Variants in GCN1 observed in about 807,000 individuals in gnomAD.
GCN1 encodes the protein stalled ribosome sensor GCN1.
GCN1 carries 90 observed loss-of-function variants against 288.4 expected under a neutral mutation model. That is an observed-to-expected ratio of 0.31 (90% CI 0.26 to 0.37). The LOEUF (loss-of-function observed/expected upper bound fraction) is 0.37. Ranked by LOEUF, GCN1 falls within the 10% of genes least tolerant of loss-of-function variation. The pLI is 1.00. For missense variants in GCN1, 2,586 were observed against 3,419.9 expected (o/e 0.76, Z 6.08); for synonymous variants, 1,386 against 1,420.2 (o/e 0.98, Z 0.54).
chr12:120,182,379 C>T (rs764882782), intron 5 of GCN1, among the ~76,000 whole-genome samples: 48 of 152,262 alleles, frequency 3.2e-4, no homozygotes, highest in Admixed American at 5.2e-4. Flanking sequence ...CCCAGAGGTG[C>T]GCTGGATAAG....
Position 120,142,465 on chromosome 12 carries a change from G to T in GCN1, c.5829+42C>A. On this transcript the variant is annotated intron_variant, in intron 44 of 57. Transcript: ENST00000300648. The surrounding 1 kb of genome is among the most constrained non-coding windows in gnomAD (Gnocchi z 4.9). The stretch of plus-strand genomic sequence containing the variant: ...CCAGCCTTCTAGGCTCTGAAAGGAG[G>T]CACTGGGGCTGCTGGTCCAAAACAA... 7.0e-7 allele frequency: 1 copy of T among 1,437,538 alleles called. No homozygotes were observed. Among genetic ancestry groups the T allele is most frequent in the South Asian group, 1.1e-5 (1 of 87,270 alleles). 89.0% of individuals were successfully genotyped at this position (1,437,538 alleles called of 1,614,324 possible). A position where few individuals can be genotyped will look rare whatever the true frequency, so the allele number is the denominator to read the frequency against.
chr12:120,176,294 A>G, intron 9 of GCN1, 77 bp from the exon 10 acceptor site: 1 of 894,926 alleles, frequency 1.1e-6, no homozygotes, highest in Non-Finnish European at 1.9e-6. Context: ...CCTACTCCCC[A>G]GCAAATGCCA....
Position 120,127,336 on chromosome 12 carries a change from CCA to C in GCN1, c.*511_*512del, listed in dbSNP as rs1465123737. 1 of 152,954 alleles carries C rather than the reference CCA, an allele frequency of 6.5e-6. No individual in the cohort carries two copies. Among genetic ancestry groups the C allele is most frequent in the Admixed American group, 6.5e-5 (1 of 15,320 alleles). The allele number at this position is 152,954 out of a possible 1,614,324, so 9.5% of individuals were successfully genotyped here. ...CAGCCTTTCAAACCTATACCCCTCC[CCA>C]GACTTGGGAACTGCCAGAGCTGTGA... On this transcript the variant is annotated 3_prime_UTR_variant, in exon 58 of 58. Coordinates refer to ENST00000300648, the MANE Select transcript of GCN1 (RefSeq NM_006836.2).
At chr12:120,177,962 C>T (rs1198214292) in intron 7 of GCN1, among the ~76,000 whole-genome samples, 1 of 152,152 alleles carries the variant, frequency 6.6e-6, no homozygotes, top group African/African-American at 2.4e-5. Context: ...CAAAGTCCTT[C>T]GTATGGCTTA....
chr12:120,160,336 C>A lies in GCN1; in HGVS notation c.2437-81G>T, dbSNP rs1254373235. On this transcript the variant is annotated intron_variant, in intron 22 of 57. Transcript: ENST00000300648. ...CCAACAGAGGAAGGTGAGCTTGCTT[C>A]CACACAAACAGCACCATACCAGCTC... is the stretch of plus-strand genomic sequence containing the variant. 50 of 972,004 alleles carry A rather than the reference C, an allele frequency of 5.1e-5. No homozygotes were observed. In the South Asian group the frequency reaches 6.5e-4, roughly 13 times the overall value. 60.2% of individuals were successfully genotyped at this position (972,004 alleles called of 1,614,324 possible).
In GCN1 at chr12:120,170,202, G is replaced by T; in HGVS notation, c.1486C>A (p.Leu496Ile). ...GAGTCAGCCACTGACAACTTTAAGA[G>T]CAACAAGGCTGCGGCAACCCCTTCA... ...ITEGVAAALL[L>I]LKLSVADSQA... The change falls in exon 15 of 58, where the codon CTC becomes ATC. Residue 496 changes from leucine (L) to isoleucine (I), a missense_variant. Leu to Ile is a conservative substitution (Grantham distance 5, BLOSUM62 2). Transcript: ENST00000300648. 1 of 1,614,168 alleles carries T rather than the reference G, an allele frequency of 6.2e-7. No homozygotes were observed. The highest frequency in any genetic ancestry group is 8.5e-7 in the Non-Finnish European group (1 of 1,179,988).
chr12:120,178,187 C>A (rs938327230), intron 7 of GCN1, among the ~76,000 whole-genome samples: 6 of 152,206 alleles, frequency 3.9e-5, no homozygotes, highest in Non-Finnish European at 8.8e-5. Flanking sequence ...TCAGGTCCTT[C>A]CGTTGTGGAG....
chr12:120,136,619 G>A lies in GCN1; in HGVS notation c.6891C>T (p.Asp2297=), dbSNP rs1388538066. 1.2e-5 allele frequency: 20 copies of A among 1,614,026 alleles called. No individual in the cohort carries two copies. The highest frequency in any genetic ancestry group is 1.1e-4 in the African/African-American group (8 of 74,928). The change falls in exon 51 of 58, where the codon GAC becomes GAT. Residue 2297 remains aspartate, a synonymous_variant. Coordinates refer to ENST00000300648, the MANE Select transcript of GCN1 (RefSeq NM_006836.2). ...LGLVIRLTSA[D]ALRPSVVSIT... is the part of the protein sequence containing the mutation. ...TGCTGACCACGGAGGGCCTCAGGGC[G>A]TCAGCCGAGGTCAGGCGGATTACCA...
chr12:120,159,757 G>T, intron 24 of GCN1, 68 bp downstream of exon 24: 1 of 1,386,210 alleles, frequency 7.2e-7, no homozygotes, highest in Non-Finnish European at 1.0e-6. Flanking sequence ...AGCACTCAGG[G>T]GCACACCCTG....
chr12:120,147,259 G>A lies in GCN1; in HGVS notation c.4740C>T (p.Val1580=). 1.9e-6 allele frequency: 3 copies of A among 1,596,838 alleles called. No homozygotes were observed. The highest frequency in any genetic ancestry group is 1.7e-6 in the Non-Finnish European group (2 of 1,167,464). Residue 1580 remains valine, a synonymous_variant, in exon 38 of 58, where the codon GTC becomes GTT. Coordinates refer to ENST00000300648, the MANE Select transcript of GCN1 (RefSeq NM_006836.2). ...RNPEILAIAP[V]LLDALTDPSR... is the part of the protein sequence containing the mutation. ...AGGGATCCGTCAGGGCATCCAGGAGGACTGGAGCAATGGCTGCACATCCAA... is the reference window on the plus strand; with the variant it reads ...AGGGATCCGTCAGGGCATCCAGGAGAACTGGAGCAATGGCTGCACATCCAA...
At position 120,142,897 on chromosome 12, in the gene GCN1, G is replaced by A. The variant is rs763069019; in HGVS notation, c.5540C>T (p.Ser1847Leu). ...TGTGGTCATCTTCCCAGTGACTCCT[G>A]AGATGTGAAACAGGAGATCCCCAAG... ...QLLGDLLFHI[S>L]GVTGKMTTET... The change falls in exon 43 of 58, where the codon TCA becomes TTA. Residue 1847 changes from serine to leucine, a missense_variant. Ser to Leu is a moderately radical substitution (Grantham distance 145). Around this residue, in one of 8 missense-constraint regions of GCN1, gnomAD observed 8 missense variants for 30.9 expected, o/e 0.26. Coordinates refer to ENST00000300648, the MANE Select transcript of GCN1 (RefSeq NM_006836.2). The surrounding 1 kb of genome is among the most constrained non-coding windows in gnomAD (Gnocchi z 4.9). The A allele has an allele frequency of 1.9e-6, 3 of 1,613,910 alleles. No homozygotes were observed.
At chr12:120,180,227 C>T (rs1482566065) in intron 5 of GCN1, among the ~76,000 whole-genome samples, 1 of 151,898 alleles carries the variant, frequency 6.6e-6, no homozygotes, top group South Asian at 2.1e-4. Context: ...ATTGCTTGAA[C>T]GCAGGAGAAT....
intron 51 of GCN1, among the ~76,000 whole-genome samples, chr12:120,135,448 C>T (rs1876970223): frequency 6.6e-6 from 1 of 152,014 alleles, no homozygotes; most frequent in African/African-American, 2.4e-5. Context: ...ACTGCAACCT[C>T]CGCCTCCCGG....
Position 120,194,660 on chromosome 12 carries a change from C to T in GCN1, c.18+20G>A. ...GCACCCAGTCCCTGGCCGCGTTGGC[C>T]CCGCAGCCGCCCGCCTCACCTGCGT... On this transcript the variant is annotated intron_variant, in intron 1 of 57. Coordinates refer to ENST00000300648, the MANE Select transcript of GCN1 (RefSeq NM_006836.2). 6.6e-7 allele frequency: 1 copy of T among 1,514,618 alleles called. No individual in the cohort carries two copies. Among genetic ancestry groups the T allele is most frequent in the Non-Finnish European group, 8.8e-7 (1 of 1,137,660 alleles). The allele number at this position is 1,514,618 out of a possible 1,614,324, so 93.8% of individuals were successfully genotyped here.
At chr12:120,152,558 T>G (rs1364440454) in intron 33 of GCN1, among the ~76,000 whole-genome samples, 2 of 120,066 alleles carry the variant, frequency 1.7e-5, no homozygotes, top group African/African-American at 6.9e-5. Context: ...ATTATAGGCA[T>G]GAGCCACCAC....
intron 5 of GCN1, among the ~76,000 whole-genome samples, chr12:120,179,645 C>A (rs1008149063): frequency 6.6e-6 from 1 of 152,016 alleles, no homozygotes; most frequent in African/African-American, 2.4e-5. Context: ...ATGATCCGCC[C>A]GCCTCGGCCT....
chr12:120,142,949 G>T lies in GCN1; in HGVS notation c.5496-8C>A. On this transcript the variant is annotated splice_polypyrimidine_tract_variant and splice_region_variant and intron_variant, in intron 42 of 57. Transcript: ENST00000300648. This position sits in a 1 kb window ranked among gnomAD's most constrained non-coding sequence, Gnocchi z 4.9. ...AGCTGAACAGAGCTGAACCTGAGAA[G>T]GAGGCCAACAACACAGTCACACAGC... The T allele has an allele frequency of 6.5e-7, 1 of 1,543,456 alleles. No individual in the cohort carries two copies.
In GCN1 at chr12:120,149,731, G is replaced by A; in HGVS notation, c.4432-11C>T. 4 of 1,606,852 alleles carry A rather than the reference G, an allele frequency of 2.5e-6. No homozygotes were observed. The highest frequency in any genetic ancestry group is 3.4e-6 in the Non-Finnish European group (4 of 1,173,554). On this transcript the variant is annotated splice_polypyrimidine_tract_variant and intron_variant, in intron 35 of 57. Coordinates refer to ENST00000300648, the MANE Select transcript of GCN1 (RefSeq NM_006836.2). ...ACAGTCATCTGCAGCCTCAAGGGGG[G>A]AGAAAACACATTCAGGGGCCTCCTC... is the stretch of plus-strand genomic sequence containing the variant.
At chr12:120,141,685 T>C (rs1439070360) in intron 44 of GCN1, among the ~76,000 whole-genome samples, 1 of 152,200 alleles carries the variant, frequency 6.6e-6, no homozygotes, top group Non-Finnish European at 1.5e-5. Flanking sequence ...TATCCTGTCT[T>C]TGTATCTGAA....
Sources: allele counts gnomAD v4.1 joint callset (sites outside exome capture counted in the v4.1 genomes callset), GRCh38; gene constraint gnomAD v4.1.1; regional missense constraint gnomAD v4.1.1; non-coding constraint Gnocchi (gnomAD v3.1); transcripts MANE v1.5; gene names NCBI Gene and HGNC (gene_info 2026-07-23, HGNC 2026-07-21).